Variants in CELF2 observed in about 807,000 individuals in gnomAD.
CELF2 encodes the protein CUG triplet repeat RNA-binding protein 2.
Under a neutral mutation model 62.6 loss-of-function variants are expected in CELF2, and 8 were observed. That is an observed-to-expected ratio of 0.13 (90% CI 0.07 to 0.23). The LOEUF (loss-of-function observed/expected upper bound fraction) is 0.23. Ranked by LOEUF, CELF2 falls within the 10% of genes least tolerant of loss-of-function variation. The pLI, the probability that CELF2 is intolerant of heterozygous loss-of-function variation, is 1.00. For missense variants in CELF2, 333 were observed against 671.0 expected, an observed-to-expected ratio of 0.50 and a Z score of 5.56; for synonymous variants, 258 against 250.0, an observed-to-expected ratio of 1.03 and a Z score of -0.30.
At chr10:10,687,170 C>G in the CELF2 span, among the ~76,000 whole-genome samples, 12 of 152,208 alleles carry the variant, frequency 7.9e-5, no homozygotes, top group Non-Finnish European at 1.5e-4. Flanking sequence ...TGGGCACATG[C>G]AAAGTGCTGA....
At chr10:10,968,377 A>G (rs192135588) in intron 2 of CELF2, among the ~76,000 whole-genome samples, 5 of 152,322 alleles carry the variant, frequency 3.3e-5, no homozygotes, top group African/African-American at 1.2e-4. Context: ...ACCAGCTGCC[A>G]CCTAGCAATG....
the CELF2 span, among the ~76,000 whole-genome samples, chr10:10,534,949 G>T: frequency 6.6e-6 from 1 of 152,112 alleles, no homozygotes; most frequent in South Asian, 2.1e-4. Context: ...GAACTAATTA[G>T]ATTAATACCA....
rs1007193859 is a variant in CELF2, at chr10:11,156,748, C to T, written c.75-8738C>T. ...GTGAATCGCTGTTTCTGAGGTTCCG[C>T]GGTCAGAGAAGGGAAAGGCCAGAGC... On this transcript the variant is annotated intron_variant, in intron 1 of 12. Coordinates refer to ENST00000633077, the MANE Select transcript of CELF2 (RefSeq NM_001326342.2). The surrounding 1 kb of genome is among the most constrained non-coding windows in gnomAD (Gnocchi z 4.3). Among the ~76,000 whole-genome samples the T allele has an allele frequency of 3.3e-5, 5 of 152,250 alleles. No homozygotes were observed. Among genetic ancestry groups the T allele is most frequent in the East Asian group, 3.9e-4 (2 of 5,180 alleles).
At chr10:11,007,174 A>G (rs2055426718) in intron 1 of CELF2, among the ~76,000 whole-genome samples, 1 of 152,236 alleles carries the variant, frequency 6.6e-6, no homozygotes, top group Non-Finnish European at 1.5e-5. Context: ...TAAGTACCTC[A>G]TTTTAAAAAA....
chr10:10,699,941 G>A, the CELF2 span, among the ~76,000 whole-genome samples: 4 of 152,104 alleles, frequency 2.6e-5, no homozygotes, highest in South Asian at 2.1e-4. Context: ...TCTAATCTAC[G>A]TAGAAGCAGC....
At chr10:10,676,644 C>A in the CELF2 span, among the ~76,000 whole-genome samples, 9 of 152,166 alleles carry the variant, frequency 5.9e-5, no homozygotes, top group Non-Finnish European at 1.2e-4. Context: ...AGTTACAGTT[C>A]CAGTTTTCCT....
intron 1 of CELF2, among the ~76,000 whole-genome samples, chr10:11,048,013 C>T: frequency 6.6e-6 from 1 of 152,134 alleles, no homozygotes; most frequent in East Asian, 1.9e-4. Context: ...CCCCTGAAGC[C>T]CTCTCTCCAA....
In CELF2 at chr10:11,325,960, C is replaced by T. The variant is rs774711979; in HGVS notation, c.1419C>T (p.Thr473=). 1.2e-6 allele frequency: 2 copies of T among 1,612,894 alleles called. No individual in the cohort carries two copies. The highest frequency in any genetic ancestry group is 2.2e-5 in the South Asian group (2 of 90,748). ...ISAKVFIDKQ[T]NLSKCFGFVS... ...CTAAAGTCTTCATTGACAAACAGAC[C>T]AATCTGAGCAAGTGCTTTGGTATGC... Residue 473 remains threonine, a synonymous_variant, in exon 12 of 13, where the codon ACC becomes ACT. Coordinates refer to ENST00000633077, the MANE Select transcript of CELF2 (RefSeq NM_001326342.2).
chr10:11,259,842 A>G (rs890419448), intron 5 of CELF2, among the ~76,000 whole-genome samples: 3 of 152,240 alleles, frequency 2.0e-5, no homozygotes, highest in Admixed American at 6.5e-5. Context: ...GGCTAAATTA[A>G]GAATAAAATA....
chr10:10,609,501 T>G, the CELF2 span, among the ~76,000 whole-genome samples: 1 of 152,194 alleles, frequency 6.6e-6, no homozygotes, highest in Non-Finnish European at 1.5e-5. Flanking sequence ...CAAAAGGTTT[T>G]GAACAGCTGA....
chr10:10,852,825 G>C (rs889015243), intron 1 of CELF2, among the ~76,000 whole-genome samples: 20 of 152,178 alleles, frequency 1.3e-4, no homozygotes, highest in African/African-American at 4.8e-4. Flanking sequence ...AACAGCGTGA[G>C]ATAAGATGCC....
chr10:10,521,200 G>T, the CELF2 span, among the ~76,000 whole-genome samples: 1 of 152,176 alleles, frequency 6.6e-6, no homozygotes, highest in Admixed American at 6.5e-5. Context: ...TGAGTCGTTT[G>T]TCCCAGACTA....
At position 10,972,626 on chromosome 10, in the gene CELF2, T is replaced by C. The variant is rs1212162001; in HGVS notation, c.89+52627T>C. Among the ~76,000 whole-genome samples the C allele has an allele frequency of 6.6e-6, 1 of 152,130 alleles. No individual in the cohort carries two copies. The highest frequency in any genetic ancestry group is 1.5e-5 in the Non-Finnish European group (1 of 68,010). Reference sequence around the variant, plus strand: ...ACATATTGATGATTCTCAGTCCCGGTCTCCATGACTGACCTTGCTGTGTCC... The same window carrying C: ...ACATATTGATGATTCTCAGTCCCGGCCTCCATGACTGACCTTGCTGTGTCC... On this transcript the variant is annotated intron_variant, in intron 2 of 13. Transcript: ENST00000636488. The surrounding 1 kb of genome is among the most constrained non-coding windows in gnomAD (Gnocchi z 4.4).
chr10:11,047,790 T>C (rs12769506), intron 1 of CELF2, among the ~76,000 whole-genome samples: 34,251 of 152,086 alleles, frequency 0.23, 4,041 homozygotes, highest in Middle Eastern at 0.3. Flanking sequence ...TTCTGGGATA[T>C]AGACATTTTC....
At position 10,990,471 on chromosome 10, in the gene CELF2, T is replaced by C. The variant is rs1232198883; in HGVS notation, c.89+70472T>C. ...GCATTATTATGAGCATGAATTGCTTTTGTAATCATTAAAAACAATAAACGT... is the reference window on the plus strand; with the variant it reads ...GCATTATTATGAGCATGAATTGCTTCTGTAATCATTAAAAACAATAAACGT... On this transcript the variant is annotated intron_variant, in intron 2 of 13. Coordinates refer to the CELF2 transcript ENST00000636488. This position sits in a 1 kb window ranked among gnomAD's most constrained non-coding sequence, Gnocchi z 4.6. Among the ~76,000 whole-genome samples the C allele has an allele frequency of 6.6e-6, 1 of 152,134 alleles. No individual in the cohort carries two copies. Among genetic ancestry groups the C allele is most frequent in the Admixed American group, 6.6e-5 (1 of 15,260 alleles).
chr10:10,508,920 C>A, the CELF2 span, among the ~76,000 whole-genome samples: 2 of 152,044 alleles, frequency 1.3e-5, no homozygotes, highest in Non-Finnish European at 1.5e-5. Context: ...GTGATCCACT[C>A]GCCTCGGCCT....
chr10:10,802,827 C>T (rs1009579479), intron 1 of CELF2, among the ~76,000 whole-genome samples: 2 of 152,200 alleles, frequency 1.3e-5, no homozygotes, highest in African/African-American at 4.8e-5. Context: ...GTCTCCCTTT[C>T]TCCTTCAGCT....
At chr10:11,090,406 G>A (rs533643291) in intron 1 of CELF2, among the ~76,000 whole-genome samples, 1 of 151,992 alleles carries the variant, frequency 6.6e-6, no homozygotes, top group Admixed American at 6.6e-5. Flanking sequence ...TGGATATGCT[G>A]CTTTTATGTA....
chr10:11,129,512 C>T (rs575542689), intron 1 of CELF2, among the ~76,000 whole-genome samples: 1 of 152,130 alleles, frequency 6.6e-6, no homozygotes, highest in East Asian at 1.9e-4. Flanking sequence ...TGGTCCTGGC[C>T]TTTTTTTGGT....
Sources: gnomAD v4.1 joint callset for allele counts (sites outside exome capture counted in the v4.1 genomes callset) on GRCh38, gnomAD v4.1.1 for gene constraint, Gnocchi (gnomAD v3.1) non-coding constraint, MANE v1.5 for transcripts, NCBI Gene and HGNC (gene_info 2026-07-23, HGNC 2026-07-21) for gene names.